Variants in NDRG2 observed in about 807,000 individuals in gnomAD.
NDRG2 encodes protein NDRG2.
NDRG2 carries 34 observed loss-of-function variants against 58.2 expected under a neutral mutation model. The ratio of observed to expected loss-of-function variants is 0.58; its 90% CI spans 0.44 to 0.78. NDRG2 has a LOEUF of 0.78. Ranked by LOEUF, NDRG2 falls within the 30% of genes least tolerant of loss-of-function variation. The pLI, the probability that NDRG2 is intolerant of heterozygous loss-of-function variation, is 0.00. For synonymous variants in NDRG2, 187 were observed against 175.9 expected, an observed-to-expected ratio of 1.06 and a Z score of -0.50; for missense variants, 434 against 471.2, an observed-to-expected ratio of 0.92 and a Z score of 0.73.
At position 21,070,278 on chromosome 14, in the gene NDRG2, A is replaced by G. The variant is rs566743082; in HGVS notation, c.24+550T>C. On this transcript the variant is annotated intron_variant, in intron 1 of 14. Transcript: ENST00000403829. This position sits in a 1 kb window ranked among gnomAD's most constrained non-coding sequence, Gnocchi z 4.7. ...GGAAGCCGGAGCGGGCCGAGCCGCC[A>G]CCGCGGCCGGAGCTGTCCCTTAGCC... 1,888 of 1,097,524 alleles carry G rather than the reference A, an allele frequency of 1.7e-3. 8 individuals are homozygous for G. The highest frequency in any genetic ancestry group is 1.7e-3 in the Non-Finnish European group (1,503 of 875,224). 68.0% of individuals were successfully genotyped at this position (1,097,524 alleles called of 1,614,324 possible).
chr14:21,043,404 C>G, intron 1 of NDRG2: 1 of 1,610,712 alleles, frequency 6.2e-7, no homozygotes, highest in Non-Finnish European at 8.5e-7. Flanking sequence ...TAAGCCTCCC[C>G]AGAAAAAGGA....
At chr14:21,031,889 C>T in intron 1 of NDRG2, 1 of 1,611,918 alleles carries the variant, frequency 6.2e-7, no homozygotes, top group Non-Finnish European at 8.5e-7. Flanking sequence ...CCCTGGCTTG[C>T]AGAAAGCAAC....
At chr14:21,067,885 G>A (rs1341957512) in intron 1 of NDRG2, among the ~76,000 whole-genome samples, 1 of 150,390 alleles carries the variant, frequency 6.6e-6, no homozygotes, top group Non-Finnish European at 1.5e-5. Context: ...ATTTAGCACA[G>A]ATTTTAAAAC....
At chr14:21,050,498 G>C (rs1241113440) in intron 1 of NDRG2, among the ~76,000 whole-genome samples, 1 of 152,178 alleles carries the variant, frequency 6.6e-6, no homozygotes, top group Non-Finnish European at 1.5e-5. Context: ...GGCATATCCA[G>C]AACAGGATCT....
chr14:21,069,391 A>G (rs1269049851), intron 1 of NDRG2, among the ~76,000 whole-genome samples: 1 of 152,176 alleles, frequency 6.6e-6, no homozygotes, highest in African/African-American at 2.4e-5. Flanking sequence ...CCACCCCAAC[A>G]GAAGGAAGGG....
chr14:21,053,606 G>A (rs575254366), intron 1 of NDRG2, among the ~76,000 whole-genome samples: 9 of 152,054 alleles, frequency 5.9e-5, no homozygotes, highest in African/African-American at 1.4e-4. Flanking sequence ...TAGCCTGGGC[G>A]GCAGAGCAAG....
upstream of NDRG2, chr14:21,025,580 C>G: frequency 1.0e-6 from 1 of 985,232 alleles, no homozygotes; most frequent in Non-Finnish European, 1.2e-6. The surrounding 1 kb of genome is among the most constrained non-coding windows in gnomAD (Gnocchi z 5.1). Context: ...GGGGTCTCGC[C>G]GGCTGGCAGG....
intron 1 of NDRG2, among the ~76,000 whole-genome samples, chr14:21,056,246 T>A (rs1885669897): frequency 1.3e-5 from 2 of 152,296 alleles, no homozygotes; most frequent in Middle Eastern, 3.4e-3. Flanking sequence ...GTTCCCCAAC[T>A]GCAGTCATTT....
At chr14:21,036,027 C>T (rs1884598665) in intron 1 of NDRG2, 20 of 376,604 alleles carry the variant, frequency 5.3e-5, no homozygotes, top group South Asian at 4.0e-4. Context: ...TATTTTTTAC[C>T]TCACGGCAGT....
At chr14:21,044,840 A>ATCCC (rs1885076142) in intron 1 of NDRG2, among the ~76,000 whole-genome samples, 1 of 152,238 alleles carries the variant, frequency 6.6e-6, no homozygotes, top group East Asian at 1.9e-4. Context: ...CACTCTACCT[A>ATCCC]TCCCTCCCCA....
At chr14:21,027,095 G>T (rs536006471), upstream of NDRG2, among the ~76,000 whole-genome samples, 3 of 152,326 alleles carry the variant, frequency 2.0e-5, no homozygotes, top group Middle Eastern at 6.8e-3. Context: ...ACGCAGGGGC[G>T]CAGGGCAGGC....
intron 1 of NDRG2, chr14:21,048,372 G>A (rs1424660067): frequency 6.6e-6 from 1 of 152,130 alleles, no homozygotes; most frequent in Non-Finnish European, 1.5e-5. Flanking sequence ...GTTCATAAGA[G>A]GAAAGGTAAA....
chr14:21,029,611 CAAAT>C (rs994296451), upstream of NDRG2, among the ~76,000 whole-genome samples: 1 of 152,052 alleles, frequency 6.6e-6, no homozygotes, highest in Non-Finnish European at 1.5e-5. Flanking sequence ...AATAAATACG[CAAAT>C]AAATAAAATA....
intron 1 of NDRG2, chr14:21,034,196 G>T: frequency 6.2e-7 from 1 of 1,614,094 alleles, no homozygotes. Context: ...AGGTATAGAA[G>T]TTCCTGCTGC....
chr14:21,034,254 T>G (rs973063959), intron 1 of NDRG2: 4 of 1,613,624 alleles, frequency 2.5e-6, no homozygotes, highest in Non-Finnish European at 3.4e-6. Context: ...CAGAACAAGC[T>G]GGAGGAAAAG....
intron 8 of NDRG2, chr14:21,020,293 C>CAAA (rs11325826): frequency 2.6e-4 from 102 of 389,580 alleles, no homozygotes; most frequent in South Asian, 8.9e-4. Flanking sequence ...GACACCATCT[C>CAAA]AAAAAAAAAA....
At chr14:21,058,304 C>G (rs1885776771) in intron 1 of NDRG2, 1 of 1,613,750 alleles carries the variant, frequency 6.2e-7, no homozygotes, top group South Asian at 1.1e-5. Flanking sequence ...CCCTCCACAA[C>G]AGGGTGACCC....
At chr14:21,059,501 G>GTTTTTTTTTTTTT in intron 1 of NDRG2, among the ~76,000 whole-genome samples, 1 of 146,784 alleles carries the variant, frequency 6.8e-6, no homozygotes, top group African/African-American at 2.6e-5. Context: ...TTTTTCTTTT[G>GTTTTTTTTTTTTT]CTTTTTGTTT....
At chr14:21,023,411 T>A in intron 1 of NDRG2, 90 bp from the exon 2 acceptor site, 1 of 1,216,758 alleles carries the variant, frequency 8.2e-7, no homozygotes, top group Non-Finnish European at 1.2e-6. Context: ...CACAGGAAGA[T>A]GCAGGGAACA....
Sources: allele counts gnomAD v4.1 joint callset (sites outside exome capture counted in the v4.1 genomes callset), GRCh38; gene constraint gnomAD v4.1.1; non-coding constraint Gnocchi (gnomAD v3.1); transcripts MANE v1.5; gene names NCBI Gene and HGNC (gene_info 2026-07-23, HGNC 2026-07-21).